Variants in RASGRF2 observed in about 807,000 individuals in gnomAD.
RASGRF2 encodes the protein ras-specific guanine nucleotide-releasing factor 2.
Under a neutral mutation model 151.0 loss-of-function variants are expected in RASGRF2, and 76 were observed. The ratio of observed to expected loss-of-function variants is 0.50; its 90% CI spans 0.42 to 0.61. RASGRF2 has a LOEUF of 0.61. Ranked by LOEUF, RASGRF2 falls within the 20% of genes least tolerant of loss-of-function variation. RASGRF2 has a pLI of 0.00. For synonymous variants in RASGRF2, 504 were observed against 566.5 expected (o/e 0.89, Z 1.57); for missense variants, 1,148 against 1,564.6 (o/e 0.73, Z 4.49).
At chr5:80,965,314 T>C (rs1281973266) in intron 1 of RASGRF2, among the ~76,000 whole-genome samples, 3 of 152,168 alleles carry the variant, frequency 2.0e-5, no homozygotes, top group African/African-American at 7.2e-5. Context: ...TTTTGTTTAC[T>C]GAACACAAAG....
At chr5:81,100,092 A>G (rs2112516795) in intron 12 of RASGRF2, among the ~76,000 whole-genome samples, 1 of 152,002 alleles carries the variant, frequency 6.6e-6, no homozygotes, top group East Asian at 1.9e-4. Flanking sequence ...CATGTTTAGT[A>G]GAGACGAGGT....
intron 1 of RASGRF2, among the ~76,000 whole-genome samples, chr5:81,003,629 T>TGA (rs1346623410): frequency 1.3e-5 from 2 of 152,206 alleles, no homozygotes; most frequent in African/African-American, 4.8e-5. Flanking sequence ...CCTAAAATGC[T>TGA]GAGATTACAG....
At chr5:81,046,309 C>T (rs1750834676) in intron 2 of RASGRF2, among the ~76,000 whole-genome samples, 1 of 151,956 alleles carries the variant, frequency 6.6e-6, no homozygotes, top group Non-Finnish European at 1.5e-5. Context: ...TCTACTTGCC[C>T]CACTTTGCCT....
intron 18 of RASGRF2, among the ~76,000 whole-genome samples, chr5:81,200,326 C>G (rs746947794): frequency 2.0e-5 from 3 of 150,822 alleles, no homozygotes; most frequent in Non-Finnish European, 4.4e-5. Flanking sequence ...TTTTTAAAAT[C>G]TGTCTGTCTT....
At position 81,190,612 on chromosome 5, in the gene RASGRF2, A is replaced by G. The variant is rs74704566; in HGVS notation, c.2793+10331A>G. On this transcript the variant is annotated intron_variant, in intron 18 of 26. Coordinates refer to ENST00000265080, the MANE Select transcript of RASGRF2 (RefSeq NM_006909.3). ...TTTTCTTTTTTTTAATTCCAAAGAT[A>G]GATTTTTATTCTTTTTCTCTGGTCC... Among the ~76,000 whole-genome samples, 276 of 152,354 alleles carry G rather than the reference A, an allele frequency of 1.8e-3. 2 individuals are homozygous for G. The highest frequency in any genetic ancestry group is 6.3e-3 in the African/African-American group (263 of 41,584).
chr5:81,098,853 G>A (rs979172260), intron 12 of RASGRF2, among the ~76,000 whole-genome samples: 2 of 152,170 alleles, frequency 1.3e-5, no homozygotes, highest in Admixed American at 6.5e-5. Flanking sequence ...TCTCTCAAGT[G>A]TATCTCTGGA....
At chr5:81,081,225 C>T (rs1049540481) in intron 7 of RASGRF2, among the ~76,000 whole-genome samples, 8 of 152,070 alleles carry the variant, frequency 5.3e-5, no homozygotes, top group Non-Finnish European at 1.0e-4. Context: ...GTTTTCCAGC[C>T]CATCCTCCCT....
At chr5:81,022,719 G>A (rs1006876720) in intron 1 of RASGRF2, among the ~76,000 whole-genome samples, 5 of 152,110 alleles carry the variant, frequency 3.3e-5, no homozygotes, top group East Asian at 1.9e-4. Context: ...AGTTCATGCC[G>A]TCCTCCTCCC....
intron 1 of RASGRF2, among the ~76,000 whole-genome samples, chr5:80,971,849 G>A (rs191234577): frequency 6.6e-6 from 1 of 151,862 alleles, no homozygotes; most frequent in Non-Finnish European, 1.5e-5. Context: ...GGGATTACAG[G>A]CATGAGCCAC....
At chr5:81,195,197 C>T (rs1431252275) in intron 18 of RASGRF2, among the ~76,000 whole-genome samples, 1 of 151,652 alleles carries the variant, frequency 6.6e-6, no homozygotes, top group African/African-American at 2.4e-5. Flanking sequence ...ACCCAGGGGC[C>T]CGCGCCAGAG....
Position 81,112,697 on chromosome 5 carries a change from C to G in RASGRF2, c.1926C>G (p.Ala642=). The G allele has an allele frequency of 6.2e-7, 1 of 1,614,190 alleles. No homozygotes were observed. The highest frequency in any genetic ancestry group is 8.5e-7 in the Non-Finnish European group (1 of 1,180,030). Residue 642 remains alanine, a synonymous_variant, in exon 14 of 27, where the codon GCC becomes GCG. Transcript: ENST00000265080. Reference sequence around the variant, plus strand: ...GCAAAGTGCCCCAGATCCGTTATGCCAGCGTGGAGCGCCTCTTGGAACGAC... The same window carrying G: ...GCAAAGTGCCCCAGATCCGTTATGCGAGCGTGGAGCGCCTCTTGGAACGAC... The part of the protein sequence containing the change: ...NSCKVPQIRY[A]SVERLLERLT...
rs898215788 is a variant in RASGRF2, at chr5:81,201,583, T to C, written c.2906+141T>C. ...CAGTAAAGTGTTATGTATTATCTTC[T>C]CTTTCCTGGGGGCAATTTGGGGTCT... is the stretch of plus-strand genomic sequence containing the variant. On this transcript the variant is annotated intron_variant, in intron 19 of 26. Coordinates refer to ENST00000265080, the MANE Select transcript of RASGRF2 (RefSeq NM_006909.3). 3.1e-6 allele frequency: 3 copies of C among 970,408 alleles called. No homozygotes were observed. The African/African-American group carries it at 5.0e-5, about 16-fold the overall frequency. The allele number at this position is 970,408 out of a possible 1,614,324, so 60.1% of individuals were successfully genotyped here.
intron 25 of RASGRF2, among the ~76,000 whole-genome samples, chr5:81,218,480 T>A (rs1172488939): frequency 6.6e-6 from 1 of 152,244 alleles, no homozygotes; most frequent in Non-Finnish European, 1.5e-5. Flanking sequence ...TACGTTTTTG[T>A]TTCTTTTGTT....
chr5:81,126,943 C>A, intron 16 of RASGRF2, 131 bp from the exon 17 acceptor site: 1 of 894,588 alleles, frequency 1.1e-6, no homozygotes. Context: ...TGTTGTTTGC[C>A]CATTAACAGA....
At chr5:81,136,157 C>A (rs1472996961) in intron 17 of RASGRF2, among the ~76,000 whole-genome samples, 1 of 152,156 alleles carries the variant, frequency 6.6e-6, no homozygotes, top group Non-Finnish European at 1.5e-5. Flanking sequence ...TTACTTTAAG[C>A]AAAGTTATCT....
At chr5:81,172,915 G>A (rs1408727105) in intron 17 of RASGRF2, among the ~76,000 whole-genome samples, 1 of 152,088 alleles carries the variant, frequency 6.6e-6, no homozygotes, top group African/African-American at 2.4e-5. Flanking sequence ...CTGCTTGGCA[G>A]TGAGACAGAA....
chr5:81,049,229 C>G (rs761107293), intron 2 of RASGRF2, among the ~76,000 whole-genome samples: 1 of 151,806 alleles, frequency 6.6e-6, no homozygotes, highest in Non-Finnish European at 1.5e-5. Flanking sequence ...ACCCCCTCCC[C>G]CTTTATTCCC....
chr5:81,219,357 A>AGGCATGAGCCACCATGCCC (rs1355335841), intron 25 of RASGRF2, among the ~76,000 whole-genome samples: 2 of 152,158 alleles, frequency 1.3e-5, no homozygotes, highest in East Asian at 1.9e-4. Context: ...CTGGGATTAC[A>AGGCATGAGCCACCATGCCC]GGCATGAGCC....
At chr5:80,971,666 A>G (rs1048669842) in intron 1 of RASGRF2, among the ~76,000 whole-genome samples, 2 of 151,792 alleles carry the variant, frequency 1.3e-5, no homozygotes, top group Non-Finnish European at 2.9e-5. Context: ...CCTGGGCTCA[A>G]GTGATTCTCC....
Sources: gnomAD v4.1 joint callset for allele counts (sites outside exome capture counted in the v4.1 genomes callset) on GRCh38, gnomAD v4.1.1 for gene constraint, MANE v1.5 for transcripts, NCBI Gene and HGNC (gene_info 2026-07-23, HGNC 2026-07-21) for gene names.